SLC6A16: variants seen among roughly 807,000 people sequenced by gnomAD.
SLC6A16 encodes orphan sodium- and chloride-dependent neurotransmitter transporter NTT5.
In SLC6A16, 54 loss-of-function variants were observed where a neutral mutation model predicts 65.4. The ratio of observed to expected loss-of-function variants is 0.83; its 90% confidence interval spans 0.66 to 1.04. SLC6A16 has a LOEUF of 1.04. Among genes scored for constraint, SLC6A16 ranks in the 50% least tolerant of loss-of-function variants. SLC6A16 has a pLI of 0.00. For synonymous variants in SLC6A16, 330 were observed against 346.5 expected (o/e 0.95, Z 0.53); for missense variants, 816 against 914.0 (o/e 0.89, Z 1.38).
At position 49,309,806 on chromosome 19, in the gene SLC6A16, T is replaced by C. The variant is rs979946445; in HGVS notation, c.721A>G (p.Thr241Ala). 15 of 1,612,050 alleles carry C rather than the reference T, an allele frequency of 9.3e-6. No homozygotes were observed. In the Admixed American group the frequency reaches 1.3e-4, roughly 14 times the overall value. ...SGFDPECERT[T>A]PSIYFWYQQA... ...TGGTACCAGAAGTATATGGAGGGTG[T>C]TGTCCGTTCACATTCAGGATCTGGG... Residue 241 changes from threonine to alanine, a missense_variant, in exon 5 of 12, where the codon ACA becomes GCA. By Grantham distance (58) the Thr-to-Ala change is moderately conservative. Coordinates refer to ENST00000335875, the MANE Select transcript of SLC6A16 (RefSeq NM_014037.3).
At chr19:49,306,542 T>C (rs565564998) in intron 7 of SLC6A16, among the ~76,000 whole-genome samples, 23 of 150,334 alleles carry the variant, frequency 1.5e-4, no homozygotes, top group Admixed American at 1.2e-3. Context: ...TTGTTTTTTT[T>C]TTTTCTTTTT....
chr19:49,339,328 A>G, the SLC6A16 span: 1 of 1,613,668 alleles, frequency 6.2e-7, no homozygotes, highest in Non-Finnish European at 8.5e-7. The surrounding 1 kb of genome is among the most constrained non-coding windows in gnomAD (Gnocchi z 4.5). Flanking sequence ...TACACCCCCC[A>G]GGGCTGCGCG....
chr19:49,291,099 GAAC>G (rs1343456058), intron 10 of SLC6A16, among the ~76,000 whole-genome samples: 1 of 152,102 alleles, frequency 6.6e-6, no homozygotes, highest in Non-Finnish European at 1.5e-5. Flanking sequence ...ATCCAGCAGT[GAAC>G]AACACAGATA....
intron 1 of SLC6A16, among the ~76,000 whole-genome samples, chr19:49,320,906 T>C (rs753758251): frequency 1.3e-5 from 2 of 152,338 alleles, no homozygotes; most frequent in Non-Finnish European, 2.9e-5. Flanking sequence ...CTGGACCTGA[T>C]GGCTTCATGG....
rs562554618 is a variant in SLC6A16, at chr19:49,312,247, A to G, written c.-64-836T>C. Among the ~76,000 whole-genome samples, 148 of 152,188 alleles carry G rather than the reference A, an allele frequency of 9.7e-4. 1 individual carries two copies. The highest frequency in any genetic ancestry group is 1.3e-3 in the Non-Finnish European group (87 of 68,032). ...AAACTAAACTAAACTAAACTAATTT[A>G]ATACTAAATCTGCCTTGTAACCTTA... On this transcript the variant is annotated intron_variant, in intron 1 of 11. Transcript: ENST00000335875.
chr19:49,324,973 C>G (rs1970775535), intron 1 of SLC6A16, 75 bp downstream of exon 1: 1 of 918,894 alleles, frequency 1.1e-6, no homozygotes, highest in Non-Finnish European at 1.3e-6. Context: ...TGGGCCCGGG[C>G]CTCGAAAATG....
At chr19:49,318,868 ATTTTT>A (rs71180618) in intron 1 of SLC6A16, among the ~76,000 whole-genome samples, 3 of 104,590 alleles carry the variant, frequency 2.9e-5, no homozygotes, top group African/African-American at 3.8e-5. Context: ...ACAACTGGCT[ATTTTT>A]TTTTTTTTTT....
At chr19:49,299,469 G>T (rs1242555477) in intron 7 of SLC6A16, among the ~76,000 whole-genome samples, 1 of 150,966 alleles carries the variant, frequency 6.6e-6, no homozygotes, top group Non-Finnish European at 1.5e-5. Context: ...CACAAGAATT[G>T]CTTGAACCTG....
At chr19:49,314,240 A>G (rs1264360351) in intron 1 of SLC6A16, among the ~76,000 whole-genome samples, 3 of 152,208 alleles carry the variant, frequency 2.0e-5, no homozygotes, top group Non-Finnish European at 4.4e-5. Context: ...CAGAACATCA[A>G]AATAAAGAAT....
At chr19:49,335,311 C>T in the SLC6A16 span, 3 of 568,930 alleles carry the variant, frequency 5.3e-6, no homozygotes, top group East Asian at 9.0e-5. This position sits in a 1 kb window ranked among gnomAD's most constrained non-coding sequence, Gnocchi z 4.6. Context: ...AGCATGTGTC[C>T]CAGTGGAGCA....
upstream of SLC6A16, chr19:49,325,228 A>T: frequency 2.0e-6 from 2 of 985,274 alleles, no homozygotes; most frequent in Non-Finnish European, 1.2e-6. Context: ...TTCTCTGCGC[A>T]TGCGCCGCCG....
the SLC6A16 span, chr19:49,339,704 G>A: frequency 7.1e-7 from 1 of 1,403,682 alleles, no homozygotes; most frequent in Admixed American, 3.1e-5. The surrounding 1 kb of genome is among the most constrained non-coding windows in gnomAD (Gnocchi z 4.5). Context: ...AGGGCACTCC[G>A]CCGGAAATGC....
At chr19:49,295,133 A>T (rs1970161445) in intron 7 of SLC6A16, among the ~76,000 whole-genome samples, 1 of 152,018 alleles carries the variant, frequency 6.6e-6, no homozygotes, top group African/African-American at 2.4e-5. Flanking sequence ...ACCATTCTTC[A>T]CTTGGCTAAC....
intron 1 of SLC6A16, among the ~76,000 whole-genome samples, chr19:49,315,181 G>A (rs1040661492): frequency 2.6e-5 from 4 of 152,194 alleles, no homozygotes; most frequent in African/African-American, 9.7e-5. Flanking sequence ...TAATCACTGA[G>A]GAGTCAGTTC....
intron 1 of SLC6A16, among the ~76,000 whole-genome samples, chr19:49,315,889 A>C (rs1339210843): frequency 6.6e-6 from 1 of 152,186 alleles, no homozygotes; most frequent in Admixed American, 6.5e-5. Flanking sequence ...TTTTGAAATC[A>C]AGAACAATCA....
At chr19:49,337,828 C>T in the SLC6A16 span, 7 of 1,586,250 alleles carry the variant, frequency 4.4e-6, no homozygotes, top group Admixed American at 1.3e-4. Context: ...TGAGACTGGC[C>T]CAGAGATGCA....
intron 7 of SLC6A16, among the ~76,000 whole-genome samples, chr19:49,301,165 G>A (rs1018730439): frequency 6.6e-6 from 1 of 152,186 alleles, no homozygotes; most frequent in Non-Finnish European, 1.5e-5. Flanking sequence ...AGAAAGGGTG[G>A]AAAGAACAAT....
At chr19:49,319,964 TAAAC>T (rs748075002) in intron 1 of SLC6A16, among the ~76,000 whole-genome samples, 1 of 152,104 alleles carries the variant, frequency 6.6e-6, no homozygotes, top group Non-Finnish European at 1.5e-5. Flanking sequence ...AACACACTCT[TAAAC>T]AACCAATGGA....
the SLC6A16 span, chr19:49,338,651 C>T: frequency 7.2e-7 from 1 of 1,384,396 alleles, no homozygotes; most frequent in Non-Finnish European, 1.0e-6. This position sits in a 1 kb window ranked among gnomAD's most constrained non-coding sequence, Gnocchi z 5.0. Flanking sequence ...TGATCCCCAA[C>T]ATCATATGTC....
Sources: allele counts gnomAD v4.1 joint callset (sites outside exome capture counted in the v4.1 genomes callset), GRCh38; gene constraint gnomAD v4.1.1; non-coding constraint Gnocchi (gnomAD v3.1); transcripts MANE v1.5; gene names NCBI Gene and HGNC (gene_info 2026-07-23, HGNC 2026-07-21).